Variants in CABIN1 observed in about 807,000 individuals in gnomAD.
CABIN1 encodes the protein calcineurin-binding protein cabin-1.
CABIN1 carries 133 observed loss-of-function variants against 227.7 expected under a neutral mutation model. The ratio of observed to expected loss-of-function variants is 0.58; its 90% CI spans 0.51 to 0.67. CABIN1 has a LOEUF of 0.67. Among genes scored for constraint, CABIN1 ranks in the 30% least tolerant of loss-of-function variants. CABIN1 has a pLI of 0.00. For missense variants in CABIN1, 2,408 were observed against 2,852.5 expected (o/e 0.84, Z 3.55); for synonymous variants, 1,086 against 1,155.1 (o/e 0.94, Z 1.21).
intron 19 of CABIN1, 49 bp from the exon 20 acceptor site, chr22:24,083,179 G>A (rs762304490): frequency 1.9e-6 from 3 of 1,598,876 alleles, no homozygotes; most frequent in South Asian, 2.2e-5. Flanking sequence ...TGACAGGGAG[G>A]CAGTGGCTAC....
intron 1 of CABIN1, among the ~76,000 whole-genome samples, chr22:24,026,518 T>C (rs2036098972): frequency 6.6e-6 from 1 of 152,206 alleles, no homozygotes; most frequent in Non-Finnish European, 1.5e-5. Context: ...TTGTATTTTA[T>C]GTTTAGAAAT....
chr22:24,140,498 T>TC (rs1391675921), intron 29 of CABIN1, among the ~76,000 whole-genome samples: 1 of 151,374 alleles, frequency 6.6e-6, no homozygotes, highest in Non-Finnish European at 1.5e-5. Context: ...CTTCTGGGGC[T>TC]CCCCCCGCAG....
chr22:24,161,087 C>A (rs151182922), intron 29 of CABIN1, among the ~76,000 whole-genome samples: 1 of 152,206 alleles, frequency 6.6e-6, no homozygotes, highest in East Asian at 1.9e-4. Flanking sequence ...TAACTTGTAT[C>A]AGGCACTCAG....
intron 34 of CABIN1, chr22:24,175,785 C>T: frequency 4.3e-6 from 2 of 464,320 alleles, no homozygotes; most frequent in Non-Finnish European, 8.0e-6. Context: ...CCCCCCATCC[C>T]CTCTCACTGC....
At chr22:24,056,552 C>T (rs899800185) in intron 10 of CABIN1, 192 bp downstream of exon 10, 37 of 609,568 alleles carry the variant, frequency 6.1e-5, no homozygotes, top group Non-Finnish European at 1.1e-4. Context: ...CTCTTCCCAC[C>T]TCTGAAATTC....
Position 24,119,553 on chromosome 22 carries a change from G to A in CABIN1, c.4487G>A (p.Gly1496Glu). The A allele has an allele frequency of 6.2e-7, 1 of 1,613,896 alleles. No individual in the cohort carries two copies. Among genetic ancestry groups the A allele is most frequent in the African/African-American group, 1.3e-5 (1 of 75,064 alleles). The change falls in exon 28 of 37, where the codon GGG (glycine) becomes GAG (glutamate). Residue 1496 changes from glycine (G) to glutamate (E), a missense_variant. Around this residue, in one of 3 missense-constraint regions of CABIN1, gnomAD observed 649 missense variants for 910.3 expected, o/e 0.71. Transcript: ENST00000263119. The part of the protein sequence containing the change: ...LPGEPVAFPQ[G>E]LPAGAEEQRQ... Reference sequence around the variant, plus strand: ...GGGGAGCCAGTGGCCTTCCCCCAGGGGCTGCCGGCTGGTGCTGAGGAGCAG... The same window carrying A: ...GGGGAGCCAGTGGCCTTCCCCCAGGAGCTGCCGGCTGGTGCTGAGGAGCAG...
chr22:24,099,612 C>G (rs1223314319), intron 26 of CABIN1, among the ~76,000 whole-genome samples: 1 of 152,238 alleles, frequency 6.6e-6, no homozygotes. Context: ...GTTAATCACC[C>G]TGTTCCCAAA....
chr22:24,056,438 C>T, intron 10 of CABIN1, 78 bp downstream of exon 10: 1 of 1,382,886 alleles, frequency 7.2e-7, no homozygotes, highest in Non-Finnish European at 1.0e-6. Flanking sequence ...TTTCTCATTC[C>T]ATTGCCACCC....
intron 1 of CABIN1, among the ~76,000 whole-genome samples, chr22:24,015,333 A>G (rs549171812): frequency 1.2e-4 from 17 of 146,638 alleles, no homozygotes; most frequent in Non-Finnish European, 2.4e-4. Context: ...ATCTGTTCAT[A>G]GAGATCTTCT....
rs376323932 is a variant in CABIN1 at position 24,064,203 on chromosome 22, CGTTT to C, written c.2037+29_2037+32del. On this transcript the variant is annotated intron_variant, in intron 15 of 36. Transcript: ENST00000263119. The stretch of plus-strand genomic sequence containing the variant: ...CCTGGAGGAGGTAAGTGAGAATTTT[CGTTT>C]GTTTGTTTGTTTCCTGAGATGGAGT... The C allele has an allele frequency of 6.1e-5, 99 of 1,613,920 alleles. No individual in the cohort carries two copies. The highest frequency in any genetic ancestry group is 5.8e-4 in the East Asian group (26 of 44,878).
chr22:24,165,557 G>A lies in CABIN1; in HGVS notation c.4938G>A (p.Gln1646=), dbSNP rs1479114451. The change falls in exon 31 of 37, where the codon CAG becomes CAA. Residue 1646 remains glutamine, a synonymous_variant. Transcript: ENST00000263119. ...AGTATCTGCGAGATGCTGACCGCCAGGTCCTGGCGCAGCGGGCCTTCATCC... is the reference window on the plus strand; with the variant it reads ...AGTATCTGCGAGATGCTGACCGCCAAGTCCTGGCGCAGCGGGCCTTCATCC... The part of the protein sequence containing the change: ...GKKYLRDADR[Q]VLAQRAFILT... The A allele has an allele frequency of 1.2e-6, 2 of 1,613,114 alleles. No homozygotes were observed. The highest frequency in any genetic ancestry group is 2.7e-5 in the African/African-American group (2 of 74,942).
chr22:24,026,213 A>G (rs1250963237), intron 1 of CABIN1, among the ~76,000 whole-genome samples: 2 of 152,134 alleles, frequency 1.3e-5, no homozygotes, highest in South Asian at 2.1e-4. Context: ...GGCTCAAGCA[A>G]TCATCCTGTG....
At chr22:24,159,029 G>A (rs2045998307) in intron 29 of CABIN1, among the ~76,000 whole-genome samples, 1 of 152,142 alleles carries the variant, frequency 6.6e-6, no homozygotes, top group South Asian at 2.1e-4. Context: ...AGGACCCAGG[G>A]GCCCCTGTCT....
intron 19 of CABIN1, among the ~76,000 whole-genome samples, chr22:24,076,964 A>G (rs528879908): frequency 3.3e-5 from 5 of 152,328 alleles, no homozygotes; most frequent in South Asian, 2.1e-4. Flanking sequence ...GTGAAGTTCT[A>G]TTGGGATATA....
chr22:24,137,603 C>T (rs902587459), intron 29 of CABIN1, among the ~76,000 whole-genome samples: 3 of 152,228 alleles, frequency 2.0e-5, no homozygotes, highest in Non-Finnish European at 4.4e-5. Context: ...TTCCCAGTGA[C>T]CTGCTGCTTT....
chr22:24,157,240 G>C (rs1235821275), intron 29 of CABIN1, among the ~76,000 whole-genome samples: 2 of 152,148 alleles, frequency 1.3e-5, no homozygotes, highest in African/African-American at 4.8e-5. Context: ...CCAACCTTAG[G>C]GGAGGAACAG....
Position 24,044,619 on chromosome 22 carries a change from CTATG to C in CABIN1, c.526+1537_526+1540del, listed in dbSNP as rs555700262. Among the ~76,000 whole-genome samples, 33 of 152,300 alleles carry C rather than the reference CTATG, an allele frequency of 2.2e-4. No individual in the cohort carries two copies. The South Asian group carries it at 6.2e-3, about 29-fold the overall frequency. The stretch of plus-strand genomic sequence containing the variant: ...CTATAAGCAGTCAGGAGGAACTGGG[CTATG>C]TCTTTAATACTTTGCTTAGAAGTCT... On this transcript the variant is annotated intron_variant, in intron 6 of 36. Coordinates refer to ENST00000263119, the MANE Select transcript of CABIN1 (RefSeq NM_012295.4).
intron 8 of CABIN1, among the ~76,000 whole-genome samples, chr22:24,052,204 T>C (rs1686957299): frequency 6.6e-6 from 1 of 152,088 alleles, no homozygotes; most frequent in Admixed American, 6.5e-5. Context: ...GTGGCCACCC[T>C]CCATGGTGTA....
At chr22:24,095,802 A>T in intron 24 of CABIN1, 129 bp from the exon 25 acceptor site, 2 of 980,226 alleles carry the variant, frequency 2.0e-6, no homozygotes, top group Non-Finnish European at 3.3e-6. Context: ...TTAAAAGCTA[A>T]CAAAAACAAG....
Sources: gnomAD v4.1 joint callset for allele counts (sites outside exome capture counted in the v4.1 genomes callset) on GRCh38, gnomAD v4.1.1 for gene constraint, gnomAD v4.1.1 regional missense constraint, MANE v1.5 for transcripts, NCBI Gene and HGNC (gene_info 2026-07-23, HGNC 2026-07-21) for gene names.